ZBBX: variants seen among roughly 807,000 people sequenced by gnomAD.
ZBBX encodes the protein zinc finger B-box domain containing, also known as zinc finger B-box domain-containing protein 1.
ZBBX carries 101 observed loss-of-function variants against 108.5 expected under a neutral mutation model. That is an observed-to-expected ratio of 0.93 (90% CI 0.79 to 1.10). ZBBX has a LOEUF of 1.10. ZBBX is among the 50% of genes least tolerant of loss of function. The probability of loss-of-function intolerance (pLI) is 0.00; values close to 1 mark genes in which losing one functional copy is unlikely to be tolerated. For missense variants in ZBBX, 1,009 were observed against 941.4 expected, an observed-to-expected ratio of 1.07 and a Z score of -0.94; for synonymous variants, 356 against 323.4, an observed-to-expected ratio of 1.10 and a Z score of -1.08.
At chr3:167,299,139 G>A (rs1029234372) in intron 17 of ZBBX, among the ~76,000 whole-genome samples, 1 of 152,022 alleles carries the variant, frequency 6.6e-6, no homozygotes, top group Non-Finnish European at 1.5e-5. Context: ...AGTAGAAACA[G>A]ATTAGGAATT....
chr3:167,191,934 T>TATATATATATAGAGAGAGAGAGAGAGAG, the ZBBX span, among the ~76,000 whole-genome samples: 6 of 130,220 alleles, frequency 4.6e-5, no homozygotes, highest in African/African-American at 1.5e-4. Context: ...TATATATATA[T>TATATATATATAGAGAGAGAGAGAGAGAG]AGAGCAAGTT....
At chr3:167,242,345 G>A (rs192604798) in intron 21 of ZBBX, among the ~76,000 whole-genome samples, 160 bp downstream of exon 21, 4 of 152,016 alleles carry the variant, frequency 2.6e-5, no homozygotes, top group Admixed American at 6.5e-5. Context: ...ACTAAATCTC[G>A]ATAATAGATC....
intron 16 of ZBBX, 114 bp from the exon 17 acceptor site, chr3:167,306,064 A>C: frequency 1.3e-6 from 1 of 785,604 alleles, no homozygotes; most frequent in East Asian, 2.9e-5. Flanking sequence ...ACACTATTTC[A>C]CAAATTCCTT....
At chr3:167,314,465 T>C (rs1735101379) in intron 15 of ZBBX, among the ~76,000 whole-genome samples, 5 of 152,180 alleles carry the variant, frequency 3.3e-5, no homozygotes, top group African/African-American at 9.7e-5. Flanking sequence ...AAATCAAGGC[T>C]TTACTACTAG....
intron 8 of ZBBX, among the ~76,000 whole-genome samples, chr3:167,354,856 A>G (rs1743262353): frequency 1.3e-5 from 2 of 151,968 alleles, no homozygotes; most frequent in Non-Finnish European, 2.9e-5. Context: ...AGCCAAACGA[A>G]TATTTGTAGA....
intron 2 of ZBBX, among the ~76,000 whole-genome samples, chr3:167,376,834 T>C (rs924537335): frequency 3.9e-5 from 6 of 152,184 alleles, no homozygotes; most frequent in Non-Finnish European, 7.3e-5. Context: ...TTCTGAGTCA[T>C]ATTATTCTGC....
intron 1 of ZBBX, chr3:167,401,220 A>T (rs2108643198): frequency 6.6e-6 from 1 of 152,320 alleles, no homozygotes. Flanking sequence ...TGAGAATTTT[A>T]ATAAAAAACT....
chr3:167,345,783 C>T (rs1240395189), intron 9 of ZBBX, among the ~76,000 whole-genome samples: 1 of 151,780 alleles, frequency 6.6e-6, no homozygotes, highest in Non-Finnish European at 1.5e-5. Context: ...AAGAACAAAG[C>T]TGGAGGCATC....
At chr3:167,321,078 G>T (rs1333486020) in intron 12 of ZBBX, among the ~76,000 whole-genome samples, 1 of 151,958 alleles carries the variant, frequency 6.6e-6, no homozygotes, top group Non-Finnish European at 1.5e-5. Context: ...GTTTTGATAT[G>T]CACTATGTTT....
intron 10 of ZBBX, chr3:167,331,582 G>T (rs1738634351): frequency 1.0e-6 from 1 of 985,264 alleles, no homozygotes; most frequent in Non-Finnish European, 1.2e-6. Flanking sequence ...CCACATAGCT[G>T]TGGCAGGGTA....
At chr3:167,353,335 A>G (rs969698546) in intron 8 of ZBBX, among the ~76,000 whole-genome samples, 4 of 152,152 alleles carry the variant, frequency 2.6e-5, no homozygotes, top group African/African-American at 9.6e-5. Flanking sequence ...CATCTTTTAC[A>G]GCAACATGAA....
At chr3:167,294,310 A>T (rs140455604) in intron 18 of ZBBX, among the ~76,000 whole-genome samples, 5 of 152,336 alleles carry the variant, frequency 3.3e-5, no homozygotes, top group Non-Finnish European at 4.4e-5. Context: ...ACAAGGCTAC[A>T]GTAACCCAAA....
At chr3:167,389,830 G>A (rs1416382164) in intron 1 of ZBBX, among the ~76,000 whole-genome samples, 2 of 148,120 alleles carry the variant, frequency 1.4e-5, no homozygotes, top group South Asian at 2.1e-4. Context: ...TTTTTTTCTT[G>A]TAAATTTAAG....
At chr3:167,389,616 G>A (rs542744114) in intron 1 of ZBBX, among the ~76,000 whole-genome samples, 1 of 152,088 alleles carries the variant, frequency 6.6e-6, no homozygotes, top group Non-Finnish European at 1.5e-5. Context: ...GTGTTCCTAT[G>A]TCTCCAAAGC....
intron 1 of ZBBX, among the ~76,000 whole-genome samples, chr3:167,397,656 A>T (rs1748292083): frequency 6.6e-6 from 1 of 151,928 alleles, no homozygotes; most frequent in African/African-American, 2.4e-5. Context: ...GAAAGGCAGG[A>T]GAGAGCCTTT....
chr3:167,332,161 G>C (rs1185813630), intron 10 of ZBBX, among the ~76,000 whole-genome samples: 1 of 151,998 alleles, frequency 6.6e-6, no homozygotes, highest in Non-Finnish European at 1.5e-5. Flanking sequence ...ACTGCTCTTT[G>C]GCACAGAGGA....
intron 1 of ZBBX, among the ~76,000 whole-genome samples, chr3:167,407,692 A>T (rs183246727): frequency 1.8e-3 from 276 of 152,246 alleles, no homozygotes; most frequent in Non-Finnish European, 2.2e-3. Flanking sequence ...CAAGTAAAGT[A>T]GGTAATTATA....
At chr3:167,212,109 A>T in the ZBBX span, among the ~76,000 whole-genome samples, 20 of 152,178 alleles carry the variant, frequency 1.3e-4, no homozygotes, top group East Asian at 3.7e-3. Context: ...CCTCCCTGGG[A>T]CAAAGCTCCC....
At chr3:167,274,161 T>TA (rs1476722562) in intron 20 of ZBBX, among the ~76,000 whole-genome samples, 1 of 152,174 alleles carries the variant, frequency 6.6e-6, no homozygotes, top group African/African-American at 2.4e-5. Context: ...ACAAAGGCCT[T>TA]ACAGAGACTG....
Sources: gnomAD v4.1 joint callset for allele counts (sites outside exome capture counted in the v4.1 genomes callset) on GRCh38, gnomAD v4.1.1 for gene constraint, MANE v1.5 for transcripts, NCBI Gene and HGNC (gene_info 2026-07-23, HGNC 2026-07-21) for gene names.